The following SFI1 variants were observed in gnomAD, a reference collection of about 807,000 sequenced individuals.
SFI1 encodes SFI1 centrin binding protein, also known as protein SFI1 homolog.
A neutral mutation model predicts 207.5 loss-of-function variants in SFI1; 195 were observed. That is an observed-to-expected ratio of 0.94 (90% CI 0.84 to 1.06). The LOEUF (loss-of-function observed/expected upper bound fraction) is 1.06. Among genes scored for constraint, SFI1 ranks in the 50% least tolerant of loss-of-function variants. The pLI is 0.00. For missense variants in SFI1, 1,634 were observed against 1,588.0 expected (o/e 1.03, Z -0.49); for synonymous variants, 630 against 598.9 (o/e 1.05, Z -0.76).
chr22:31,506,766 CA>C (rs1019171436), intron 1 of SFI1, among the ~76,000 whole-genome samples: 6 of 151,976 alleles, frequency 3.9e-5, no homozygotes, highest in Non-Finnish European at 5.9e-5. Context: ...ACAGTTGCCA[CA>C]AAAATAATAA....
intron 7 of SFI1, among the ~76,000 whole-genome samples, chr22:31,558,837 G>C (rs2061411425): frequency 1.3e-5 from 2 of 151,888 alleles, no homozygotes; most frequent in African/African-American, 4.8e-5. Flanking sequence ...ATTTATTTGA[G>C]ACAGAGTCTC....
At chr22:31,600,151 G>A (rs890953696) in intron 15 of SFI1, among the ~76,000 whole-genome samples, 1 of 152,108 alleles carries the variant, frequency 6.6e-6, no homozygotes, top group Non-Finnish European at 1.5e-5. Flanking sequence ...GCCTCCTGAA[G>A]TGTTAGGATT....
chr22:31,582,206 T>TTTTATATATATATATATATATA (rs2064308789), intron 12 of SFI1, among the ~76,000 whole-genome samples: 1 of 36,604 alleles, frequency 2.7e-5, no homozygotes, highest in African/African-American at 1.2e-4. Flanking sequence ...TTATTACATT[T>TTTTATATATATATATATATATA]TATATATATA....
chr22:31,500,252 C>A (rs545559452), intron 1 of SFI1, among the ~76,000 whole-genome samples: 1 of 133,750 alleles, frequency 7.5e-6, no homozygotes. Context: ...GAGCTGAGAT[C>A]GCACCACAGA....
intron 6 of SFI1, among the ~76,000 whole-genome samples, chr22:31,552,674 C>T (rs1021476098): frequency 6.6e-6 from 1 of 152,066 alleles, no homozygotes; most frequent in Non-Finnish European, 1.5e-5. Flanking sequence ...AATTTCTCTT[C>T]GTTTGGGTAG....
chr22:31,540,971 A>T (rs1416861306), intron 4 of SFI1, among the ~76,000 whole-genome samples: 1 of 152,130 alleles, frequency 6.6e-6, no homozygotes, highest in African/African-American at 2.4e-5. Flanking sequence ...CCATCTCCCA[A>T]GCTTTGCCTA....
At chr22:31,606,458 C>T in intron 21 of SFI1, 28 bp downstream of exon 21, 1 of 1,591,936 alleles carries the variant, frequency 6.3e-7, no homozygotes, top group African/African-American at 1.3e-5. Context: ...AAGCTGGTCA[C>T]CCAGGAGAGT....
At chr22:31,559,415 T>TC (rs2061460478) in intron 7 of SFI1, 2 of 360,244 alleles carry the variant, frequency 5.6e-6, no homozygotes, top group Non-Finnish European at 1.1e-5. Context: ...AGAGTGAGAC[T>TC]CTGTCTCGAA....
At chr22:31,518,543 C>G (rs1294904393) in intron 2 of SFI1, among the ~76,000 whole-genome samples, 1 of 152,108 alleles carries the variant, frequency 6.6e-6, no homozygotes, top group Non-Finnish European at 1.5e-5. Flanking sequence ...GTCAGTTTCA[C>G]TGGCTGTCAA....
chr22:31,598,223 G>C (rs1030103057), intron 15 of SFI1, among the ~76,000 whole-genome samples: 1 of 151,822 alleles, frequency 6.6e-6, no homozygotes, highest in African/African-American at 2.4e-5. Context: ...CTGACCTCAT[G>C]ATCCGCCCGC....
At chr22:31,616,505 G>A (rs1374801736) in intron 29 of SFI1, 1 of 443,814 alleles carries the variant, frequency 2.3e-6, no homozygotes, top group Non-Finnish European at 4.0e-6. Flanking sequence ...GGCGGACTGT[G>A]GTGACACGGG....
rs372229254 is a variant in SFI1 at position 31,561,407 on chromosome 22, C to G, written c.765+15C>G. 1.2e-6 allele frequency: 2 copies of G among 1,607,166 alleles called. No homozygotes were observed. The highest frequency in any genetic ancestry group is 1.7e-4 in the Middle Eastern group (1 of 5,866). ...TCCAGGTGCAGGTGAGTCCAGCAGA[C>G]GTGGGATTTGGCATCCTCTGTCAGT... On this transcript the variant is annotated intron_variant, in intron 8 of 32. Transcript: ENST00000400288.
At chr22:31,605,113 A>T (rs963321658) in intron 20 of SFI1, 168 bp downstream of exon 20, 2 of 587,502 alleles carry the variant, frequency 3.4e-6, no homozygotes, top group African/African-American at 3.9e-5. Context: ...GTTCGCCTTC[A>T]TGTCTTAAGC....
chr22:31,550,247 T>G lies in SFI1; in HGVS notation c.450-7T>G, dbSNP rs2060504384. 2 of 1,610,434 alleles carry G rather than the reference T, an allele frequency of 1.2e-6. No homozygotes were observed. The highest frequency in any genetic ancestry group is 2.2e-5 in the South Asian group (2 of 90,540). ...AGAAATGCCATTTACTTTTTTTGGC[T>G]CCTCAGGTATTACCTGTACAACCTG... On this transcript the variant is annotated splice_polypyrimidine_tract_variant and splice_region_variant and intron_variant, in intron 5 of 32. Coordinates refer to ENST00000400288, the MANE Select transcript of SFI1 (RefSeq NM_001007467.3).
intron 21 of SFI1, chr22:31,607,625 A>T (rs957932185): frequency 1.3e-5 from 2 of 151,462 alleles, no homozygotes; most frequent in African/African-American, 4.8e-5. Flanking sequence ...ACATATATAT[A>T]TTTTATATAT....
At chr22:31,514,963 G>T (rs899324021) in intron 2 of SFI1, among the ~76,000 whole-genome samples, 1 of 151,940 alleles carries the variant, frequency 6.6e-6, no homozygotes, top group Admixed American at 6.6e-5. Context: ...GTAGAGACAG[G>T]GTTTCACCAT....
chr22:31,519,313 C>T (rs1228477720), intron 2 of SFI1, among the ~76,000 whole-genome samples: 8 of 150,316 alleles, frequency 5.3e-5, no homozygotes, highest in African/African-American at 7.4e-5. Context: ...CTCTGTCGCT[C>T]AGGCTGGTGT....
At position 31,613,354 on chromosome 22, in the gene SFI1, G is replaced by T. The variant is rs772676708; in HGVS notation, c.2566G>T (p.Val856Leu). The T allele has an allele frequency of 8.7e-6, 14 of 1,607,894 alleles. No homozygotes were observed. In the South Asian group the frequency reaches 1.1e-4, roughly 13 times the overall value. Residue 856 changes from valine (V) to leucine (L), a missense_variant and splice_region_variant, in exon 26 of 33, where the codon GTG (valine) becomes TTG (leucine). Coordinates refer to ENST00000400288, the MANE Select transcript of SFI1 (RefSeq NM_001007467.3). ...GCCTCACCTCCTGCCCTCCCTGGAG[G>T]TGTGGGCCACGTGGCTGGCCTTTGT... ...WFWAFSLQAKVWATWLAFVLE... is the reference protein window; with the variant it reads ...WFWAFSLQAKLWATWLAFVLE...
In SFI1 at chr22:31,585,153, C is replaced by T. The variant is rs763417152; in HGVS notation, c.1413+19C>T. On this transcript the variant is annotated intron_variant, in intron 14 of 32. Coordinates refer to ENST00000400288, the MANE Select transcript of SFI1 (RefSeq NM_001007467.3). ...CAAGCAGGTATGGAGTACTTTTTAG[C>T]AGATAGCTCTACTGGCTTACATTCT... 12 of 1,604,278 alleles carry T rather than the reference C, an allele frequency of 7.5e-6. No homozygotes were observed. In the Admixed American group the frequency reaches 2.0e-4, roughly 27 times the overall value.
Sources: allele counts gnomAD v4.1 joint callset (sites outside exome capture counted in the v4.1 genomes callset), GRCh38; gene constraint gnomAD v4.1.1; transcripts MANE v1.5; gene names NCBI Gene and HGNC (gene_info 2026-07-23, HGNC 2026-07-21).